GRIA1: variants seen among roughly 807,000 people sequenced by gnomAD.
The protein encoded by GRIA1 is glutamate receptor 1.
Under a neutral mutation model 99.2 loss-of-function variants are expected in GRIA1, and 31 were observed. The observed-to-expected ratio is 0.31, with a 90% CI of 0.23 to 0.42. The LOEUF is 0.42. GRIA1 is among the 10% of genes least tolerant of loss of function. GRIA1 has a pLI of 1.00. For synonymous variants in GRIA1, 438 were observed against 432.4 expected, an observed-to-expected ratio of 1.01 and a Z score of -0.16; for missense variants, 782 against 1,157.5, an observed-to-expected ratio of 0.68 and a Z score of 4.71.
At chr5:153,568,715 A>G (rs546730233) in intron 2 of GRIA1, among the ~76,000 whole-genome samples, 20 of 152,194 alleles carry the variant, frequency 1.3e-4, no homozygotes, top group African/African-American at 4.1e-4. Context: ...TACCTAGCTT[A>G]TTATAGCCAT....
At chr5:153,710,704 A>G (rs1406714080) in intron 11 of GRIA1, among the ~76,000 whole-genome samples, 1 of 152,200 alleles carries the variant, frequency 6.6e-6, no homozygotes, top group African/African-American at 2.4e-5. Context: ...TACGACATGC[A>G]GGGTATGGTT....
chr5:153,610,571 C>G (rs1765890540), intron 2 of GRIA1, among the ~76,000 whole-genome samples: 1 of 152,218 alleles, frequency 6.6e-6, no homozygotes, highest in Admixed American at 6.5e-5. Context: ...TAATCTCTGC[C>G]TTTAGGGCTT....
intron 2 of GRIA1, among the ~76,000 whole-genome samples, chr5:153,613,959 A>C (rs1581332341): frequency 6.6e-6 from 1 of 151,028 alleles, no homozygotes; most frequent in Non-Finnish European, 1.5e-5. Flanking sequence ...CTTCACACTG[A>C]CCTCTCCACT....
chr5:153,494,853 T>C (rs752865172), intron 2 of GRIA1, among the ~76,000 whole-genome samples: 8 of 152,140 alleles, frequency 5.3e-5, no homozygotes, highest in Non-Finnish European at 1.0e-4. Context: ...GGGATTAAGC[T>C]CAAGTAAAAA....
intron 2 of GRIA1, among the ~76,000 whole-genome samples, chr5:153,576,845 A>G (rs1762565312): frequency 1.3e-5 from 2 of 152,214 alleles, no homozygotes. Context: ...AATTTAGGTT[A>G]TAATTGTTGG....
chr5:153,809,260 C>G (rs1309045238), intron 15 of GRIA1, among the ~76,000 whole-genome samples: 2 of 152,130 alleles, frequency 1.3e-5, no homozygotes, highest in Non-Finnish European at 2.9e-5. Context: ...CCTGGTGTAG[C>G]TTCAAGGTAG....
At chr5:153,586,366 A>G (rs1005167604) in intron 2 of GRIA1, among the ~76,000 whole-genome samples, 3 of 152,232 alleles carry the variant, frequency 2.0e-5, no homozygotes, top group Non-Finnish European at 4.4e-5. Flanking sequence ...GGTAGGTGCT[A>G]CTATTATCCT....
At chr5:153,511,067 G>T (rs1328716334) in intron 2 of GRIA1, among the ~76,000 whole-genome samples, 1 of 152,182 alleles carries the variant, frequency 6.6e-6, no homozygotes, top group Non-Finnish European at 1.5e-5. Context: ...TAAAAAAGAG[G>T]ATACAGTATG....
At chr5:153,526,516 T>C (rs1437599471) in intron 2 of GRIA1, among the ~76,000 whole-genome samples, 1 of 152,208 alleles carries the variant, frequency 6.6e-6, no homozygotes, top group African/African-American at 2.4e-5. Flanking sequence ...TAACAACCTG[T>C]ATCAGTCCCA....
chr5:153,552,316 C>T (rs915196754), intron 2 of GRIA1, among the ~76,000 whole-genome samples: 1 of 152,090 alleles, frequency 6.6e-6, no homozygotes, highest in African/African-American at 2.4e-5. Flanking sequence ...CGAATGCTGG[C>T]CACGTCCTGT....
At chr5:153,732,498 T>C (rs1761105774) in intron 11 of GRIA1, among the ~76,000 whole-genome samples, 1 of 152,164 alleles carries the variant, frequency 6.6e-6, no homozygotes, top group Non-Finnish European at 1.5e-5. Context: ...CCTTTTCATA[T>C]ACACATTGGC....
At chr5:153,522,663 G>A (rs1757255816) in intron 2 of GRIA1, among the ~76,000 whole-genome samples, 1 of 152,142 alleles carries the variant, frequency 6.6e-6, no homozygotes, top group East Asian at 1.9e-4. Flanking sequence ...CAGTGTCAAA[G>A]GAACTTATGT....
chr5:153,738,720 C>CTT lies in GRIA1; in HGVS notation c.1824-25697_1824-25696dup, dbSNP rs55874747. ...TGTTGCGTGTTCATCTCCATACCTT[C>CTT]TTTTTTTTTTTTTTTTTTGGAGAAG... On this transcript the variant is annotated intron_variant, in intron 11 of 15. Coordinates refer to ENST00000285900, the MANE Select transcript of GRIA1 (RefSeq NM_000827.4). Among the ~76,000 whole-genome samples, 463 of 102,344 alleles carry CTT rather than the reference C, an allele frequency of 4.5e-3. 16 individuals are homozygous for CTT. Among genetic ancestry groups the CTT allele is most frequent in the African/African-American group, 0.016 (405 of 24,714 alleles). 67.1% of individuals were successfully genotyped at this position (102,344 alleles called of 152,430 possible). A position where few individuals can be genotyped will look rare whatever the true frequency, so the allele number is the denominator to read the frequency against.
chr5:153,517,197 C>A (rs895134864), intron 2 of GRIA1, among the ~76,000 whole-genome samples: 2 of 152,136 alleles, frequency 1.3e-5, no homozygotes, highest in African/African-American at 4.8e-5. Flanking sequence ...CCCGAACCAG[C>A]GAGGAGAAAA....
intron 2 of GRIA1, among the ~76,000 whole-genome samples, chr5:153,587,821 C>T (rs1184305658): frequency 6.6e-6 from 1 of 152,146 alleles, no homozygotes. Flanking sequence ...TCCAGGGGGG[C>T]ATATTCTAGT....
Position 153,770,211 on chromosome 5 carries a change from A to T in GRIA1, c.2066A>T (p.Lys689Met). ...AVFEKMWTYM[K>M]SAEPSVFVRT... The stretch of plus-strand genomic sequence containing the variant: ...TTTGAGAAGATGTGGACATACATGA[A>T]GTCAGCAGAGCCATCAGTTTTTGTG... Residue 689 changes from lysine (K) to methionine (M), a missense_variant, in exon 13 of 16, where the codon AAG becomes ATG. Physicochemically the swap from Lys to Met is moderately conservative, Grantham distance 95. Coordinates refer to ENST00000285900, the MANE Select transcript of GRIA1 (RefSeq NM_000827.4). 1 of 1,613,866 alleles carries T rather than the reference A, an allele frequency of 6.2e-7. No individual in the cohort carries two copies. The highest frequency in any genetic ancestry group is 8.5e-7 in the Non-Finnish European group (1 of 1,179,782).
At chr5:153,602,555 AT>A (rs1230329868) in intron 2 of GRIA1, among the ~76,000 whole-genome samples, 1 of 152,146 alleles carries the variant, frequency 6.6e-6, no homozygotes, top group African/African-American at 2.4e-5. Flanking sequence ...AGAAAATAAA[AT>A]AAGAAAAAGA....
intron 2 of GRIA1, among the ~76,000 whole-genome samples, chr5:153,496,884 T>G (rs576404036): frequency 2.7e-4 from 40 of 149,752 alleles, no homozygotes; most frequent in South Asian, 1.3e-3. Context: ...ATTTTATTTG[T>G]TTTTTTTTCA....
intron 2 of GRIA1, among the ~76,000 whole-genome samples, chr5:153,599,937 C>T (rs752807620): frequency 5.9e-5 from 9 of 151,990 alleles, no homozygotes; most frequent in Non-Finnish European, 1.2e-4. Context: ...GGTGGAGTCA[C>T]AGGGGAAAGG....
Sources: allele counts gnomAD v4.1 joint callset (sites outside exome capture counted in the v4.1 genomes callset), GRCh38; gene constraint gnomAD v4.1.1; transcripts MANE v1.5; gene names NCBI Gene and HGNC (gene_info 2026-07-23, HGNC 2026-07-21).